Variants in ICA1 observed in about 807,000 individuals in gnomAD.
ICA1 encodes islet cell autoantigen 1, also known as 69 kDa islet cell autoantigen.
A neutral mutation model predicts 71.0 loss-of-function variants in ICA1; 40 were observed. That is an observed-to-expected ratio of 0.56 (90% confidence interval 0.44 to 0.73). ICA1 has a LOEUF of 0.73. ICA1 is among the 30% of genes least tolerant of loss of function. The pLI is 0.00. For missense variants in ICA1, 578 were observed against 576.5 expected (o/e 1.00, Z -0.03); for synonymous variants, 207 against 209.5 (o/e 0.99, Z 0.10).
At chr7:8,149,301 A>G (rs1177924290) in intron 8 of ICA1, among the ~76,000 whole-genome samples, 1 of 152,264 alleles carries the variant, frequency 6.6e-6, no homozygotes, top group African/African-American at 2.4e-5. Context: ...TATTAGCAGC[A>G]CACAGAGTCA....
At chr7:8,203,354 T>G (rs1200906085) in intron 6 of ICA1, among the ~76,000 whole-genome samples, 1 of 152,174 alleles carries the variant, frequency 6.6e-6, no homozygotes, top group African/African-American at 2.4e-5. Context: ...AGTTAAGACA[T>G]AAGAAATCTT....
At chr7:8,202,920 G>A (rs1790233297) in intron 6 of ICA1, among the ~76,000 whole-genome samples, 1 of 152,158 alleles carries the variant, frequency 6.6e-6, no homozygotes, top group African/African-American at 2.4e-5. Context: ...GAACCTGTGG[G>A]CAATTTTAAC....
At chr7:8,206,484 C>T (rs1222349949) in intron 6 of ICA1, among the ~76,000 whole-genome samples, 1 of 152,104 alleles carries the variant, frequency 6.6e-6, no homozygotes, top group East Asian at 1.9e-4. Context: ...ATTTAAGAAA[C>T]TTTTCTGTCA....
At chr7:8,244,319 A>G (rs1038731521) in intron 1 of ICA1, among the ~76,000 whole-genome samples, 2 of 152,228 alleles carry the variant, frequency 1.3e-5, no homozygotes, top group East Asian at 1.9e-4. Context: ...AGGATTCCCT[A>G]TTTAATAAAT....
intron 1 of ICA1, among the ~76,000 whole-genome samples, chr7:8,243,587 C>G (rs983020942): frequency 6.6e-6 from 1 of 151,962 alleles, no homozygotes; most frequent in African/African-American, 2.4e-5. Flanking sequence ...CAAGAGAAAG[C>G]AATAAAGCAT....
intron 6 of ICA1, among the ~76,000 whole-genome samples, chr7:8,171,943 G>A (rs1308265271): frequency 1.3e-5 from 2 of 151,784 alleles, no homozygotes; most frequent in Non-Finnish European, 2.9e-5. Context: ...CTGATTTCTA[G>A]TTTAATTCTG....
intron 6 of ICA1, among the ~76,000 whole-genome samples, chr7:8,194,781 GAC>G (rs1391589651): frequency 6.6e-6 from 1 of 151,862 alleles, no homozygotes; most frequent in Non-Finnish European, 1.5e-5. Context: ...AGAATTTTTT[GAC>G]ACACAGGGAA....
chr7:8,157,356 C>T, intron 7 of ICA1, 142 bp from the exon 8 acceptor site: 1 of 842,650 alleles, frequency 1.2e-6, no homozygotes, highest in East Asian at 2.7e-5. Context: ...ATTATGCCCC[C>T]AATTACACTC....
rs149752373 is a variant in ICA1, at chr7:8,173,370, G to A, written c.580-14718C>T. 7.0e-4 allele frequency among the ~76,000 whole-genome samples: 107 copies of A among 152,222 alleles called. No individual in the cohort carries two copies. Among genetic ancestry groups the A allele is most frequent in the Admixed American group, 1.6e-3 (25 of 15,290 alleles). ...CATCAATGAAGTTAATATTGGCAAC[G>A]ATTAAAACACATCAAATATATCCAA... is the stretch of plus-strand genomic sequence containing the variant. On this transcript the variant is annotated intron_variant, in intron 6 of 13. Transcript: ENST00000402384. This position sits in a 1 kb window ranked among gnomAD's most constrained non-coding sequence, Gnocchi z 4.0.
intron 8 of ICA1, among the ~76,000 whole-genome samples, chr7:8,152,938 T>A: frequency 6.7e-6 from 1 of 148,936 alleles, no homozygotes; most frequent in Non-Finnish European, 1.5e-5. Context: ...ACTACCACCA[T>A]CACCTCTTCC....
In ICA1 at chr7:8,144,896, T is replaced by A. The variant is rs1366241738; in HGVS notation, c.805-924A>T. Among the ~76,000 whole-genome samples the A allele has an allele frequency of 1.3e-5, 2 of 152,204 alleles. No homozygotes were observed. The highest frequency in any genetic ancestry group is 2.9e-5 in the Non-Finnish European group (2 of 68,038). The stretch of plus-strand genomic sequence containing the variant: ...GTTTCTCCTGTCCTTCTCCTGCCTA[T>A]CGTTCACTTGTCTGACACACATAGG... On this transcript the variant is annotated intron_variant, in intron 8 of 13. Coordinates refer to ENST00000402384, the MANE Select transcript of ICA1 (RefSeq NM_001136020.3). This position sits in a 1 kb window ranked among gnomAD's most constrained non-coding sequence, Gnocchi z 4.5.
At chr7:8,149,263 A>C (rs919190010) in intron 8 of ICA1, among the ~76,000 whole-genome samples, 1 of 152,248 alleles carries the variant, frequency 6.6e-6, no homozygotes, top group African/African-American at 2.4e-5. Flanking sequence ...TCAGTCTCTC[A>C]TTAAAATTGC....
chr7:8,166,277 A>T (rs6952848), intron 6 of ICA1, among the ~76,000 whole-genome samples: 82,247 of 152,044 alleles, frequency 0.54, 24,924 homozygotes, highest in African/African-American at 0.84. Context: ...AAAAGCATGG[A>T]ACGGGTACAA....
intron 2 of ICA1, 141 bp from the exon 3 acceptor site, chr7:8,232,896 C>G: frequency 1.5e-6 from 1 of 673,138 alleles, no homozygotes; most frequent in African/African-American, 1.9e-5. Context: ...ACTTTCTTAT[C>G]TGGGTGTTAC....
intron 6 of ICA1, among the ~76,000 whole-genome samples, chr7:8,176,165 C>CCCTG (rs1780570724): frequency 1.3e-5 from 2 of 152,224 alleles, no homozygotes; most frequent in South Asian, 2.1e-4. Context: ...TGCACCCAGG[C>CCCTG]CCTGCCTGCC....
At chr7:8,195,200 A>T (rs1450305298) in intron 6 of ICA1, among the ~76,000 whole-genome samples, 1 of 152,224 alleles carries the variant, frequency 6.6e-6, no homozygotes, top group Non-Finnish European at 1.5e-5. Context: ...AATGGCAAAA[A>T]TCCAAAATAC....
rs2128423936 is a variant in ICA1 at position 8,221,428 on chromosome 7, G to A, written c.257-30C>T. The A allele has an allele frequency of 3.7e-6, 6 of 1,610,706 alleles. No homozygotes were observed. The African/African-American group carries it at 4.0e-5, about 11-fold the overall frequency. On this transcript the variant is annotated intron_variant, in intron 4 of 13. Transcript: ENST00000402384. ...TGAAGAAAAGACCAAAAGGAGCCAT[G>A]AACAATGAGCATTTTGATTGCAAAG... is the stretch of plus-strand genomic sequence containing the variant.
At chr7:8,136,070 T>C (rs1793299843) in intron 12 of ICA1, among the ~76,000 whole-genome samples, 1 of 152,232 alleles carries the variant, frequency 6.6e-6, no homozygotes, top group Non-Finnish European at 1.5e-5. Flanking sequence ...AATAGTTTTA[T>C]AAACTGTGGT....
At position 8,223,704 on chromosome 7, in the gene ICA1, G is replaced by C. The variant is rs1403399104; in HGVS notation, c.257-2306C>G. On this transcript the variant is annotated intron_variant, in intron 4 of 13. Transcript: ENST00000402384. This position sits in a 1 kb window ranked among gnomAD's most constrained non-coding sequence, Gnocchi z 4.1. ...CACTTTTGGGAGGTAGAGGCAGGAG[G>C]ATTGCTTGATACTAGGAGTTCAAGA... 2 of 152,206 alleles carry C rather than the reference G, an allele frequency of 1.3e-5. No individual in the cohort carries two copies. The highest frequency in any genetic ancestry group is 2.9e-5 in the Non-Finnish European group (2 of 68,016). The allele number at this position is 152,206 out of a possible 1,614,324, so 9.4% of individuals were successfully genotyped here.
Sources: gnomAD v4.1 joint callset for allele counts (sites outside exome capture counted in the v4.1 genomes callset) on GRCh38, gnomAD v4.1.1 for gene constraint, Gnocchi (gnomAD v3.1) non-coding constraint, MANE v1.5 for transcripts, NCBI Gene and HGNC (gene_info 2026-07-23, HGNC 2026-07-21) for gene names.